The following AK9 variants were observed in gnomAD, a reference collection of about 807,000 sequenced individuals.
The protein encoded by AK9 is adenylate kinase 9.
Under a neutral mutation model 239.6 loss-of-function variants are expected in AK9, and 191 were observed. That is an observed-to-expected ratio of 0.80 (90% CI 0.71 to 0.90). The LOEUF (loss-of-function observed/expected upper bound fraction) is 0.90. Among genes scored for constraint, AK9 ranks in the 40% least tolerant of loss-of-function variants. The probability of loss-of-function intolerance (pLI) is 0.00; values close to 1 mark genes in which losing one functional copy is unlikely to be tolerated. For synonymous variants in AK9, 689 were observed against 721.0 expected, an observed-to-expected ratio of 0.96 and a Z score of 0.71; for missense variants, 1,995 against 2,214.7, an observed-to-expected ratio of 0.90 and a Z score of 1.99.
chr6:109,519,561 G>A (rs1590187), intron 29 of AK9, among the ~76,000 whole-genome samples: 88,491 of 151,930 alleles, frequency 0.58, 27,459 homozygotes, highest in East Asian at 0.84. Flanking sequence ...TTGGGAGGCT[G>A]AGGCTGGCAG....
intron 19 of AK9, among the ~76,000 whole-genome samples, chr6:109,582,686 T>C (rs1789002781): frequency 6.6e-6 from 1 of 152,174 alleles, no homozygotes; most frequent in Non-Finnish European, 1.5e-5. Flanking sequence ...GAATACCACA[T>C]AAACTTGGTT....
At chr6:109,530,063 C>T (rs1562359636) in intron 28 of AK9, among the ~76,000 whole-genome samples, 1 of 152,200 alleles carries the variant, frequency 6.6e-6, no homozygotes, top group Non-Finnish European at 1.5e-5. Flanking sequence ...GATAGTCCTC[C>T]AACCTTCCCA....
intron 29 of AK9, among the ~76,000 whole-genome samples, chr6:109,519,724 G>A (rs192360942): frequency 6.6e-5 from 10 of 151,908 alleles, no homozygotes; most frequent in Middle Eastern, 3.4e-3. Flanking sequence ...GAGCCCTGGA[G>A]GTTGAGGCTG....
At position 109,674,306 on chromosome 6, in the gene AK9, T is replaced by C. The variant is rs182938739; in HGVS notation, c.118-45A>G. 7.1e-3 allele frequency: 9,623 copies of C among 1,356,502 alleles called. 41 individuals carry two copies. The highest frequency in any genetic ancestry group is 8.5e-3 in the Non-Finnish European group (8,481 of 999,796). 84.0% of individuals were successfully genotyped at this position (1,356,502 alleles called of 1,614,324 possible). A position where few individuals can be genotyped will look rare whatever the true frequency, so the allele number is the denominator to read the frequency against. ...TTTAAAGCCCAATAGAACAGTTACT[T>C]GCCAGTGACACAGATACAGCAATTT... On this transcript the variant is annotated intron_variant, in intron 2 of 40. Transcript: ENST00000424296.
intron 32 of AK9, among the ~76,000 whole-genome samples, chr6:109,514,023 C>T (rs1779012266): frequency 6.6e-6 from 1 of 152,178 alleles, no homozygotes; most frequent in Non-Finnish European, 1.5e-5. Context: ...TCAGCCCACT[C>T]CAAAACTCTT....
intron 18 of AK9, among the ~76,000 whole-genome samples, chr6:109,585,583 G>A (rs1416274441): frequency 1.3e-5 from 2 of 152,076 alleles, no homozygotes; most frequent in Non-Finnish European, 2.9e-5. Flanking sequence ...TCCTACTTGA[G>A]GTGAAGAAGA....
intron 12 of AK9, among the ~76,000 whole-genome samples, chr6:109,623,227 CA>C (rs1225718152): frequency 6.6e-6 from 1 of 152,108 alleles, no homozygotes; most frequent in Non-Finnish European, 1.5e-5. Context: ...AATAAGTCCA[CA>C]AATCTTTTGA....
chr6:109,648,859 C>T (rs1192761434), intron 8 of AK9, among the ~76,000 whole-genome samples: 5 of 152,088 alleles, frequency 3.3e-5, no homozygotes, highest in Admixed American at 6.6e-5. Context: ...ACTGGCAAAC[C>T]GAATCCAGCA....
intron 29 of AK9, among the ~76,000 whole-genome samples, chr6:109,524,279 A>G (rs1406720581): frequency 6.6e-6 from 1 of 152,158 alleles, no homozygotes; most frequent in Non-Finnish European, 1.5e-5. Context: ...AAGAGAGAGA[A>G]AAAAGATGGA....
At chr6:109,650,416 CA>C (rs1389731457) in intron 8 of AK9, among the ~76,000 whole-genome samples, 1 of 151,982 alleles carries the variant, frequency 6.6e-6, no homozygotes, top group Non-Finnish European at 1.5e-5. Context: ...AAAAAGTGGG[CA>C]AAGGATATGA....
intron 29 of AK9, among the ~76,000 whole-genome samples, chr6:109,523,522 A>G (rs1780093545): frequency 6.6e-6 from 1 of 152,200 alleles, no homozygotes; most frequent in South Asian, 2.1e-4. Context: ...GCAGATTTTG[A>G]AGAGCAGTCA....
intron 35 of AK9, among the ~76,000 whole-genome samples, chr6:109,502,271 T>A (rs925542403): frequency 6.6e-6 from 1 of 152,150 alleles, no homozygotes; most frequent in Non-Finnish European, 1.5e-5. Flanking sequence ...TATATTGAAG[T>A]ACCCCCAGTA....
At chr6:109,644,505 A>T (rs768509881) in intron 9 of AK9, 109 bp downstream of exon 9, 2 of 906,066 alleles carry the variant, frequency 2.2e-6, no homozygotes, top group South Asian at 4.1e-5. Context: ...TTCAAAGATA[A>T]ATGGTGTTCA....
chr6:109,504,512 A>G (rs1322866066), intron 35 of AK9, among the ~76,000 whole-genome samples: 1 of 152,214 alleles, frequency 6.6e-6, no homozygotes, highest in Non-Finnish European at 1.5e-5. Context: ...TGAAATTTAA[A>G]TTTAACTGGG....
intron 10 of AK9, among the ~76,000 whole-genome samples, chr6:109,640,400 C>T (rs974375092): frequency 2.0e-5 from 3 of 152,270 alleles, no homozygotes; most frequent in East Asian, 3.9e-4. Context: ...GGTAAGGCAA[C>T]ACCCTGCCCT....
In AK9 at chr6:109,493,324, C is replaced by T. The variant is rs755400231; in HGVS notation, c.*45G>A. 1 of 1,576,364 alleles carries T rather than the reference C, an allele frequency of 6.3e-7. No homozygotes were observed. The highest frequency in any genetic ancestry group is 1.7e-5 in the Admixed American group (1 of 58,792). The stretch of plus-strand genomic sequence containing the variant: ...TACTTCTCTCAGTTTCCCTCTATCA[C>T]TTTCAGATAACTCTTGAGATTCAGG... On this transcript the variant is annotated 3_prime_UTR_variant, in exon 41 of 41. Coordinates refer to ENST00000424296, the MANE Select transcript of AK9 (RefSeq NM_001145128.3).
intron 8 of AK9, among the ~76,000 whole-genome samples, chr6:109,652,041 C>G (rs1799036792): frequency 6.6e-6 from 1 of 152,126 alleles, no homozygotes; most frequent in South Asian, 2.1e-4. Context: ...GGAATCCTCC[C>G]TAACTCATTT....
chr6:109,559,194 G>T (rs1371781810), intron 24 of AK9, among the ~76,000 whole-genome samples: 1 of 147,024 alleles, frequency 6.8e-6, no homozygotes, highest in Non-Finnish European at 1.5e-5. Context: ...TTTGAGATGG[G>T]GTCTCTCTCT....
chr6:109,553,696 T>C (rs1367495123), intron 24 of AK9, among the ~76,000 whole-genome samples: 1 of 152,160 alleles, frequency 6.6e-6, no homozygotes, highest in Non-Finnish European at 1.5e-5. Context: ...CCTTTATTTC[T>C]TTATCTTGCC....
Sources: allele counts gnomAD v4.1 joint callset (sites outside exome capture counted in the v4.1 genomes callset), GRCh38; gene constraint gnomAD v4.1.1; transcripts MANE v1.5; gene names NCBI Gene and HGNC (gene_info 2026-07-23, HGNC 2026-07-21).